The following RARB variants were observed in gnomAD, a reference collection of about 807,000 sequenced individuals.
RARB encodes the protein HBV-activated protein.
RARB carries 17 observed loss-of-function variants against 51.9 expected under a neutral mutation model. That is an observed-to-expected ratio of 0.33 (90% confidence interval 0.22 to 0.49). The LOEUF is 0.49. RARB is among the 20% of genes least tolerant of loss of function. RARB has a pLI of 0.99. For synonymous variants in RARB, 215 were observed against 195.4 expected, an observed-to-expected ratio of 1.10 and a Z score of -0.84; for missense variants, 369 against 550.8, an observed-to-expected ratio of 0.67 and a Z score of 3.30.
At chr3:24,953,920 G>A (rs969039393) in intron 2 of RARB, among the ~76,000 whole-genome samples, 33 of 152,116 alleles carry the variant, frequency 2.2e-4, no homozygotes, top group Non-Finnish European at 5.9e-5. Flanking sequence ...GACCACTAGG[G>A]TTTCTTTATT....
intron 2 of RARB, among the ~76,000 whole-genome samples, chr3:25,051,886 G>A (rs999152236): frequency 2.6e-4 from 40 of 152,236 alleles, no homozygotes; most frequent in African/African-American, 8.9e-4. Flanking sequence ...GTGAGAAATG[G>A]ATTCTGTGTG....
At chr3:24,947,989 T>A (rs984462620) in intron 2 of RARB, among the ~76,000 whole-genome samples, 3 of 152,162 alleles carry the variant, frequency 2.0e-5, no homozygotes, top group Non-Finnish European at 4.4e-5. Flanking sequence ...CATATGTAGC[T>A]CTATGAGCTC....
At chr3:25,264,987 C>T (rs546945092) in intron 5 of RARB, among the ~76,000 whole-genome samples, 2 of 152,248 alleles carry the variant, frequency 1.3e-5, no homozygotes, top group East Asian at 3.9e-4. Flanking sequence ...ACAGATAAAG[C>T]TCTCAGAAAT....
rs557650850 is a variant in RARB at position 25,330,580 on chromosome 3, C to G, written c.179-130613C>G. 2.0e-5 allele frequency among the ~76,000 whole-genome samples: 3 copies of G among 152,276 alleles called. No homozygotes were observed. The South Asian group carries it at 6.2e-4, about 32-fold the overall frequency. On this transcript the variant is annotated intron_variant, in intron 5 of 11. Transcript: ENST00000383772. Reference sequence around the variant, plus strand: ...AAACATGCCAAATTGTAAAGACTATCAATTCTAGGAAGAAACTGCATCAAC... The same window carrying G: ...AAACATGCCAAATTGTAAAGACTATGAATTCTAGGAAGAAACTGCATCAAC...
chr3:25,378,662 A>T (rs1706537323), intron 5 of RARB, among the ~76,000 whole-genome samples: 1 of 152,146 alleles, frequency 6.6e-6, no homozygotes, highest in Non-Finnish European at 1.5e-5. Flanking sequence ...GTACCTACCC[A>T]CTACACCAAT....
chr3:24,860,328 C>A (rs1702726222), intron 2 of RARB, among the ~76,000 whole-genome samples: 2 of 152,212 alleles, frequency 1.3e-5, no homozygotes, highest in Admixed American at 1.3e-4. Flanking sequence ...CCCAACCTTT[C>A]TCACCTCCTC....
intron 5 of RARB, among the ~76,000 whole-genome samples, chr3:25,593,249 T>A (rs1701684847): frequency 6.6e-6 from 1 of 152,124 alleles, no homozygotes; most frequent in Non-Finnish European, 1.5e-5. Flanking sequence ...AGTCAAGTAA[T>A]GAATTACTTT....
chr3:25,094,238 A>G (rs1699252948), intron 3 of RARB, among the ~76,000 whole-genome samples: 1 of 152,174 alleles, frequency 6.6e-6, no homozygotes, highest in South Asian at 2.1e-4. Flanking sequence ...TAATAACACT[A>G]AAGTCTGTCT....
intron 4 of RARB, among the ~76,000 whole-genome samples, chr3:25,157,347 T>G (rs1476470134): frequency 9.4e-6 from 1 of 105,842 alleles, no homozygotes; most frequent in East Asian, 2.7e-4. Context: ...TGAGTGTGTG[T>G]GTTTGTGTGT....
intron 5 of RARB, among the ~76,000 whole-genome samples, chr3:25,283,250 C>G (rs772554827): frequency 3.3e-4 from 50 of 152,174 alleles, no homozygotes; most frequent in Non-Finnish European, 6.2e-4. Context: ...TGGCAATGAC[C>G]TCTCACTTTT....
chr3:25,400,660 A>G (rs1368490721), intron 5 of RARB, among the ~76,000 whole-genome samples: 1 of 152,168 alleles, frequency 6.6e-6, no homozygotes, highest in Non-Finnish European at 1.5e-5. Context: ...TAGGAATATT[A>G]TTTTATTCAT....
chr3:25,398,549 A>T (rs945554403), intron 5 of RARB, among the ~76,000 whole-genome samples: 3 of 152,164 alleles, frequency 2.0e-5, no homozygotes, highest in Non-Finnish European at 4.4e-5. Context: ...CCATATTTCC[A>T]ATGGGAGAGA....
At chr3:24,943,508 A>G (rs2125401401) in intron 2 of RARB, among the ~76,000 whole-genome samples, 1 of 152,314 alleles carries the variant, frequency 6.6e-6, no homozygotes, top group East Asian at 1.9e-4. Context: ...GAGACTTGGT[A>G]GAAATGTGAC....
At chr3:24,934,813 A>G (rs1695516529) in intron 2 of RARB, among the ~76,000 whole-genome samples, 1 of 152,128 alleles carries the variant, frequency 6.6e-6, no homozygotes, top group Non-Finnish European at 1.5e-5. Context: ...TGAGTGAGCT[A>G]TTATAAAGCA....
At chr3:25,325,670 G>A (rs1704694694) in intron 5 of RARB, among the ~76,000 whole-genome samples, 1 of 151,850 alleles carries the variant, frequency 6.6e-6, no homozygotes, top group African/African-American at 2.4e-5. Flanking sequence ...GTTGAGTTGT[G>A]TGTATAAATG....
At chr3:25,299,616 T>A (rs1417307065) in intron 5 of RARB, among the ~76,000 whole-genome samples, 2 of 152,328 alleles carry the variant, frequency 1.3e-5, no homozygotes, top group South Asian at 4.1e-4. Flanking sequence ...TTCAATTTTT[T>A]AAAAAGACGG....
intron 4 of RARB, among the ~76,000 whole-genome samples, chr3:25,173,155 C>T (rs1038718554): frequency 6.6e-5 from 10 of 152,182 alleles, no homozygotes; most frequent in Non-Finnish European, 8.8e-5. Flanking sequence ...ACAGCCAGCC[C>T]ACTCTAGAAT....
At chr3:24,967,509 G>A (rs1179519354) in intron 2 of RARB, among the ~76,000 whole-genome samples, 3 of 152,146 alleles carry the variant, frequency 2.0e-5, no homozygotes, top group Non-Finnish European at 4.4e-5. Context: ...ACCAAGTGTA[G>A]TGTTTCTCCG....
At chr3:24,881,231 G>A (rs1559381380) in intron 2 of RARB, among the ~76,000 whole-genome samples, 1 of 152,214 alleles carries the variant, frequency 6.6e-6, no homozygotes, top group African/African-American at 2.4e-5. Context: ...GCAGAACTGT[G>A]AGCCAATTAA....
Sources: gnomAD v4.1 joint callset for allele counts (sites outside exome capture counted in the v4.1 genomes callset) on GRCh38, gnomAD v4.1.1 for gene constraint, MANE v1.5 for transcripts, NCBI Gene and HGNC (gene_info 2026-07-23, HGNC 2026-07-21) for gene names.